Variants in NPSR1 observed in about 807,000 individuals in gnomAD.
NPSR1 encodes neuropeptide S receptor.
Under a neutral mutation model 46.9 loss-of-function variants are expected in NPSR1, and 48 were observed. The ratio of observed to expected loss-of-function variants is 1.02; its 90% CI spans 0.81 to 1.30. The LOEUF (loss-of-function observed/expected upper bound fraction) is 1.30, where lower values mean the gene tolerates loss of function less well. Ranked by LOEUF, NPSR1 falls within the 50% of genes most tolerant of loss-of-function variation. NPSR1 has a pLI of 0.00. For missense variants in NPSR1, 450 were observed against 449.5 expected (o/e 1.00, Z -0.01); for synonymous variants, 176 against 168.1 (o/e 1.05, Z -0.36).
chr7:34,766,967 G>C (rs1786466038), intron 2 of NPSR1, among the ~76,000 whole-genome samples: 1 of 151,210 alleles, frequency 6.6e-6, no homozygotes, highest in African/African-American at 2.5e-5. Context: ...TAATGATAAA[G>C]AACACATTAG....
intron 2 of NPSR1, among the ~76,000 whole-genome samples, chr7:34,720,380 A>G (rs1783794557): frequency 1.3e-5 from 2 of 152,136 alleles, no homozygotes; most frequent in South Asian, 4.1e-4. Context: ...TGTAGATGCT[A>G]CTAGGCTGTG....
rs1265561987 is a variant in NPSR1 at position 34,849,602 on chromosome 7, G to A, written c.1063G>A (p.Glu355Lys). 2 of 1,613,976 alleles carry A rather than the reference G, an allele frequency of 1.2e-6. No individual in the cohort carries two copies. Among genetic ancestry groups the A allele is most frequent in the African/African-American group, 1.3e-5 (1 of 74,876 alleles). The change falls in exon 9 of 9, where the codon GAG becomes AAG. Residue 355 changes from glutamate (E) to lysine (K), a missense_variant. By Grantham distance (56) the Glu-to-Lys change is moderately conservative. Transcript: ENST00000360581. The stretch of plus-strand genomic sequence containing the variant: ...ACAGGATTCCAGAATGACGTTCCGG[G>A]AGAGAACTGAGAGGCATGAGATGCA... Reference protein sequence around the residue: ...RSQDSRMTFRERTERHEMQIL... With the variant: ...RSQDSRMTFRKRTERHEMQIL...
At chr7:34,665,003 C>A (rs1218796074) in intron 1 of NPSR1, among the ~76,000 whole-genome samples, 1 of 152,178 alleles carries the variant, frequency 6.6e-6, no homozygotes. Context: ...TTGAACCTCC[C>A]ATCAGCTCTA....
At chr7:34,774,570 AG>A (rs1018631377) in intron 2 of NPSR1, among the ~76,000 whole-genome samples, 47 of 152,310 alleles carry the variant, frequency 3.1e-4, no homozygotes, top group Middle Eastern at 3.4e-3. Flanking sequence ...CATTCTAGGA[AG>A]GGTTTCTCAA....
chr7:34,863,364 G>A (rs1445101533), intron 8 of NPSR1, among the ~76,000 whole-genome samples: 1 of 151,834 alleles, frequency 6.6e-6, no homozygotes, highest in African/African-American at 2.4e-5. Flanking sequence ...GGCAACAAAA[G>A]CCAAAATTGG....
intron 1 of NPSR1, 46 bp downstream of exon 1, chr7:34,658,605 G>C (rs759235764): frequency 1.3e-6 from 2 of 1,566,832 alleles, no homozygotes; most frequent in Non-Finnish European, 1.8e-6. Context: ...ATAACAATGA[G>C]ACTGCTGGAA....
rs575651308 is a variant in NPSR1 at position 34,872,747 on chromosome 7, C to T, written c.1026-5329C>T. Among the ~76,000 whole-genome samples the T allele has an allele frequency of 2.2e-4, 34 of 151,874 alleles. 2 individuals are homozygous for T. The highest frequency in any genetic ancestry group is 8.0e-4 in the African/African-American group (33 of 41,142). On this transcript the variant is annotated intron_variant, in intron 8 of 8. Coordinates refer to the NPSR1 transcript ENST00000359791. ...GATCAGGTCTCATGAGACTTATTCA[C>T]TATCACAAGAACAGCACAGGAAATA... is the stretch of plus-strand genomic sequence containing the variant.
At chr7:34,673,228 C>T (rs35633711) in intron 1 of NPSR1, among the ~76,000 whole-genome samples, 37,744 of 152,048 alleles carry the variant, frequency 0.25, 4,906 homozygotes, top group South Asian at 0.34. Context: ...TTCTGGTTGA[C>T]GTACCTGCCT....
In NPSR1 at chr7:34,773,645, G is replaced by C. The variant is rs565565186; in HGVS notation, c.281-4817G>C. On this transcript the variant is annotated intron_variant, in intron 2 of 8. Coordinates refer to ENST00000360581, the MANE Select transcript of NPSR1 (RefSeq NM_207172.2). Reference sequence around the variant, plus strand: ...AGTAACCTATTGAGGGCTCCTTGTTGGTCTCTCTTGTTAGCAAGTTGGACA... The same window carrying C: ...AGTAACCTATTGAGGGCTCCTTGTTCGTCTCTCTTGTTAGCAAGTTGGACA... 2.5e-4 allele frequency among the ~76,000 whole-genome samples: 38 copies of C among 152,232 alleles called. No individual in the cohort carries two copies. The South Asian group carries it at 7.5e-3, about 30-fold the overall frequency.
intron 1 of NPSR1, 37 bp from the exon 2 acceptor site, chr7:34,684,515 C>T: frequency 6.2e-7 from 1 of 1,607,630 alleles, no homozygotes; most frequent in Non-Finnish European, 8.5e-7. Flanking sequence ...CCAGTTCTCA[C>T]TGGTACACTG....
chr7:34,850,033 A>C, downstream of NPSR1: 1 of 971,162 alleles, frequency 1.0e-6, no homozygotes, highest in African/African-American at 1.7e-5. Flanking sequence ...TCTCATTACA[A>C]TAGAAGAAAA....
chr7:34,721,131 G>C (rs948914210), intron 2 of NPSR1, among the ~76,000 whole-genome samples: 40 of 152,284 alleles, frequency 2.6e-4, no homozygotes, highest in African/African-American at 7.7e-4. Context: ...GAATAGGATG[G>C]TAAGAAAGAA....
chr7:34,741,843 T>C (rs1428085504), intron 2 of NPSR1, among the ~76,000 whole-genome samples: 1 of 152,212 alleles, frequency 6.6e-6, no homozygotes, highest in East Asian at 1.9e-4. Context: ...TAACACCCTC[T>C]TACCACAATG....
At chr7:34,666,997 T>C (rs1372683021) in intron 1 of NPSR1, among the ~76,000 whole-genome samples, 1 of 152,244 alleles carries the variant, frequency 6.6e-6, no homozygotes, top group African/African-American at 2.4e-5. Context: ...ACTTATGTAA[T>C]TTTATGAAAA....
At chr7:34,874,477 G>T (rs1489470271) in intron 8 of NPSR1, among the ~76,000 whole-genome samples, 1 of 152,106 alleles carries the variant, frequency 6.6e-6, no homozygotes, top group Non-Finnish European at 1.5e-5. Context: ...TAATTTGGGG[G>T]TGGGGGTGTC....
chr7:34,666,237 T>G (rs1791744461), intron 1 of NPSR1, among the ~76,000 whole-genome samples: 1 of 152,078 alleles, frequency 6.6e-6, no homozygotes, highest in Non-Finnish European at 1.5e-5. Flanking sequence ...GATTGGTGAG[T>G]AGAGGCACTA....
At chr7:34,755,866 T>C (rs1042082243) in intron 2 of NPSR1, among the ~76,000 whole-genome samples, 1 of 152,176 alleles carries the variant, frequency 6.6e-6, no homozygotes, top group Non-Finnish European at 1.5e-5. Flanking sequence ...TCTTTTCATA[T>C]ATGTTTGCTT....
intron 1 of NPSR1, among the ~76,000 whole-genome samples, chr7:34,679,099 T>G (rs927250714): frequency 2.6e-5 from 4 of 151,452 alleles, no homozygotes; most frequent in Non-Finnish European, 5.9e-5. Flanking sequence ...TCTTAAATTT[T>G]TTAAAGTTAA....
intron 4 of NPSR1, among the ~76,000 whole-genome samples, chr7:34,820,247 T>C (rs1387148524): frequency 6.6e-6 from 1 of 152,218 alleles, no homozygotes; most frequent in Non-Finnish European, 1.5e-5. Context: ...CATTAAGTGG[T>C]ATGCATTGGA....
Sources: gnomAD v4.1 joint callset for allele counts (sites outside exome capture counted in the v4.1 genomes callset) on GRCh38, gnomAD v4.1.1 for gene constraint, MANE v1.5 for transcripts, NCBI Gene and HGNC (gene_info 2026-07-23, HGNC 2026-07-21) for gene names.